The following NFRKB variants were observed in gnomAD, a reference collection of about 807,000 sequenced individuals.
NFRKB encodes nuclear factor related to kappaB binding protein.
NFRKB carries 62 observed loss-of-function variants against 135.7 expected under a neutral mutation model. The ratio of observed to expected loss-of-function variants is 0.46; its 90% CI spans 0.37 to 0.56. The LOEUF (loss-of-function observed/expected upper bound fraction) is 0.56, where lower values mean the gene tolerates loss of function less well. NFRKB is among the 20% of genes least tolerant of loss of function. The pLI, the probability that NFRKB is intolerant of heterozygous loss-of-function variation, is 0.00. For synonymous variants in NFRKB, 678 were observed against 635.6 expected (o/e 1.07, Z -1.00); for missense variants, 1,545 against 1,662.0 (o/e 0.93, Z 1.22).
At chr11:129,866,015 A>G in intron 24 of NFRKB, 32 bp from the exon 25 acceptor site, 1 of 1,554,348 alleles carries the variant, frequency 6.4e-7, no homozygotes, top group Non-Finnish European at 8.7e-7. Flanking sequence ...GTTTTGTAAG[A>G]CAGGAGGTAA....
intron 2 of NFRKB, chr11:129,894,113 T>A (rs1325826071): frequency 6.6e-6 from 1 of 152,170 alleles, no homozygotes; most frequent in Non-Finnish European, 1.5e-5. Context: ...ACCACAACAT[T>A]TTCAGACTGA....
Position 129,877,341 on chromosome 11 carries a change from C to A in NFRKB, c.1556G>T (p.Arg519Leu). The A allele has an allele frequency of 6.2e-7, 1 of 1,614,134 alleles. No individual in the cohort carries two copies. Among genetic ancestry groups the A allele is most frequent in the Non-Finnish European group, 8.5e-7 (1 of 1,180,010 alleles). The change falls in exon 16 of 27, where the codon CGG becomes CTG. Residue 519 changes from arginine to leucine, a missense_variant. Around this residue, in one of 3 missense-constraint regions of NFRKB, gnomAD observed 678 missense variants for 646.7 expected, o/e 1.05. Coordinates refer to ENST00000682444, the MANE Select transcript of NFRKB (RefSeq NM_001143835.2). ...VVRPSTGEEK[R>L]VFQEQERYRY... Reference sequence around the variant, plus strand: ...GGTTCTTACCTGCTCCTGAAAAACCCGTTTCTCCTCCCCCGTGCTGGGACG... The same window carrying A: ...GGTTCTTACCTGCTCCTGAAAAACCAGTTTCTCCTCCCCCGTGCTGGGACG...
At chr11:129,887,082 G>GCC in intron 4 of NFRKB, among the ~76,000 whole-genome samples, 1 of 152,234 alleles carries the variant, frequency 6.6e-6, no homozygotes, top group East Asian at 1.9e-4. Context: ...CAGATGTGCT[G>GCC]CCCATTCAGG....
At chr11:129,884,896 T>A (rs763309393) in intron 6 of NFRKB, 50 bp from the exon 7 acceptor site, 1 of 1,613,264 alleles carries the variant, frequency 6.2e-7, no homozygotes. Context: ...TGGACTCCAA[T>A]AGGGGAGATT....
intron 23 of NFRKB, among the ~76,000 whole-genome samples, chr11:129,872,310 T>C (rs1166351416): frequency 2.6e-5 from 4 of 152,136 alleles, no homozygotes; most frequent in African/African-American, 9.7e-5. Flanking sequence ...GCTTAATGTT[T>C]GTTGAACAAA....
At chr11:129,875,487 G>C in intron 17 of NFRKB, 24 bp from the exon 18 acceptor site, 1 of 1,557,558 alleles carries the variant, frequency 6.4e-7, no homozygotes, top group Non-Finnish European at 8.7e-7. Context: ...AAAGCACACA[G>C]TCCACAAGTC....
At chr11:129,875,583 G>T in intron 17 of NFRKB, 120 bp from the exon 18 acceptor site, 1 of 661,082 alleles carries the variant, frequency 1.5e-6, no homozygotes, top group Non-Finnish European at 2.6e-6. Context: ...TACCTTCCCT[G>T]ATGCCGGATT....
In NFRKB at chr11:129,865,780, A is replaced by G. The variant is rs1591466845; in HGVS notation, c.3638+97T>C. Reference sequence around the variant, plus strand: ...AGAGGTGTCAAAGAAGGGCCCCAGAAAGACCAGCCACTTTGCCACTCGGTG... The same window carrying G: ...AGAGGTGTCAAAGAAGGGCCCCAGAGAGACCAGCCACTTTGCCACTCGGTG... On this transcript the variant is annotated intron_variant, in intron 25 of 26. Transcript: ENST00000682444. 6.8e-6 allele frequency: 7 copies of G among 1,025,526 alleles called. No homozygotes were observed. The East Asian group carries it at 1.7e-4, about 25-fold the overall frequency. The allele number at this position is 1,025,526 out of a possible 1,614,324, so 63.5% of individuals were successfully genotyped here. A position where few individuals can be genotyped will look rare whatever the true frequency, so the allele number is the denominator to read the frequency against.
chr11:129,876,745 C>G lies in NFRKB; in HGVS notation c.1723G>C (p.Ala575Pro), dbSNP rs774369882. The G allele has an allele frequency of 1.2e-6, 2 of 1,613,736 alleles. No homozygotes were observed. Among genetic ancestry groups the G allele is most frequent in the Admixed American group, 3.3e-5 (2 of 59,952 alleles). Reference sequence around the variant, plus strand: ...CCAAGAGACAGAATGGTGACGTAGGCAGGCCGGTCGGAGCGCAGCAGGGAG... The same window carrying G: ...CCAAGAGACAGAATGGTGACGTAGGGAGGCCGGTCGGAGCGCAGCAGGGAG... The part of the protein sequence containing the change: ...EHSLLRSDRP[A>P]YVTILSLVRD... Residue 575 changes from alanine (A) to proline (P), a missense_variant, in exon 17 of 27, where the codon GCC becomes CCC. Ala to Pro is a conservative substitution (Grantham distance 27). Around this residue, in one of 3 missense-constraint regions of NFRKB, gnomAD observed 114 missense variants for 211.0 expected, o/e 0.54. Coordinates refer to ENST00000682444, the MANE Select transcript of NFRKB (RefSeq NM_001143835.2).
At position 129,880,153 on chromosome 11, in the gene NFRKB, G is replaced by A. The variant is rs180740030; in HGVS notation, c.1384+1290C>T. 8.6e-5 allele frequency among the ~76,000 whole-genome samples: 13 copies of A among 151,150 alleles called. 1 individual carries two copies. In the East Asian group the frequency reaches 2.5e-3, roughly 29 times the overall value. On this transcript the variant is annotated intron_variant, in intron 13 of 26. Coordinates refer to ENST00000682444, the MANE Select transcript of NFRKB (RefSeq NM_001143835.2). ...TGCAGTGAGCCAAGATCGTGCCACTGTACTCCAGCCTGGGGACAGAGCAAG... is the reference window on the plus strand; with the variant it reads ...TGCAGTGAGCCAAGATCGTGCCACTATACTCCAGCCTGGGGACAGAGCAAG...
intron 25 of NFRKB, 101 bp downstream of exon 25, chr11:129,865,776 C>T: frequency 1.0e-6 from 1 of 984,768 alleles, no homozygotes; most frequent in South Asian, 1.3e-5. Flanking sequence ...AGAAGGGCCC[C>T]AGAAAGACCA....
At chr11:129,892,450 T>C (rs901350603) in intron 3 of NFRKB, among the ~76,000 whole-genome samples, 1 of 152,188 alleles carries the variant, frequency 6.6e-6, no homozygotes, top group African/African-American at 2.4e-5. Flanking sequence ...ATGAAAATTA[T>C]CTTGTTAAAA....
chr11:129,873,691 C>A (rs2135644665), intron 22 of NFRKB, 54 bp downstream of exon 22: 1 of 1,586,900 alleles, frequency 6.3e-7, no homozygotes, highest in South Asian at 1.1e-5. Flanking sequence ...GACTCATCAG[C>A]CCACCTCTGG....
At chr11:129,879,721 C>T (rs932278936) in intron 13 of NFRKB, among the ~76,000 whole-genome samples, 1 of 152,072 alleles carries the variant, frequency 6.6e-6, no homozygotes, top group Non-Finnish European at 1.5e-5. Flanking sequence ...GAAGAGCCCT[C>T]CTCGGCCCTC....
chr11:129,884,024 G>A (rs1430021634), intron 8 of NFRKB, 46 bp downstream of exon 8: 3 of 1,595,482 alleles, frequency 1.9e-6, no homozygotes, highest in Non-Finnish European at 2.6e-6. Context: ...CCAATCCTGA[G>A]ACATCAGGCT....
Position 129,875,380 on chromosome 11 carries a change from C to A in NFRKB, c.1831G>T (p.Ala611Ser), listed in dbSNP as rs1281950782. 2 of 1,613,266 alleles carry A rather than the reference C, an allele frequency of 1.2e-6. No individual in the cohort carries two copies. ...ACCTGAGTGCTGGTGACATCTGGTG[C>A]AAGAAACTGGGAGTCCTTAAGCAGT... ...CELLKDSQFL[A>S]PDVTSTQVNT... The change falls in exon 18 of 27, where the codon GCA becomes TCA. Residue 611 changes from alanine to serine, a missense_variant. Around this residue, in one of 3 missense-constraint regions of NFRKB, gnomAD observed 114 missense variants for 211.0 expected, o/e 0.54. Coordinates refer to ENST00000682444, the MANE Select transcript of NFRKB (RefSeq NM_001143835.2).
Position 129,876,857 on chromosome 11 carries a change from G to A in NFRKB, c.1611C>T (p.Thr537=). 4 of 1,614,154 alleles carry A rather than the reference G, an allele frequency of 2.5e-6. No homozygotes were observed. The highest frequency in any genetic ancestry group is 3.4e-6 in the Non-Finnish European group (4 of 1,180,032). ...CAGACTCAAAGCCGTGCATGCGAAA[G>A]GTGAACGCCTTATGGGGTTGGCTAT... ...YRYSQPHKAF[T]FRMHGFESVV... The change falls in exon 17 of 27, where the codon ACC becomes ACT. Residue 537 remains threonine, a synonymous_variant. Coordinates refer to ENST00000682444, the MANE Select transcript of NFRKB (RefSeq NM_001143835.2).
At chr11:129,891,750 T>C (rs1949569168) in intron 3 of NFRKB, among the ~76,000 whole-genome samples, 1 of 152,226 alleles carries the variant, frequency 6.6e-6, no homozygotes, top group Non-Finnish European at 1.5e-5. Flanking sequence ...AACTACTACA[T>C]TTAGTGATAA....
intron 17 of NFRKB, 83 bp downstream of exon 17, chr11:129,876,638 G>A: frequency 8.0e-7 from 1 of 1,249,366 alleles, no homozygotes; most frequent in Middle Eastern, 2.7e-4. Context: ...GGAGGGGTAA[G>A]GAGAGGACAG....
Sources: allele counts gnomAD v4.1 joint callset (sites outside exome capture counted in the v4.1 genomes callset), GRCh38; gene constraint gnomAD v4.1.1; regional missense constraint gnomAD v4.1.1; transcripts MANE v1.5; gene names NCBI Gene and HGNC (gene_info 2026-07-23, HGNC 2026-07-21).